FARS2: variants seen among roughly 807,000 people sequenced by gnomAD.
FARS2 encodes phenylalanine--tRNA ligase, mitochondrial.
FARS2 carries 40 observed loss-of-function variants against 46.4 expected under a neutral mutation model. The ratio of observed to expected loss-of-function variants is 0.86; its 90% CI spans 0.67 to 1.12. The LOEUF (loss-of-function observed/expected upper bound fraction) is 1.12. FARS2 is among the 50% of genes most tolerant of loss of function. The pLI is 0.00. For synonymous variants in FARS2, 234 were observed against 214.9 expected, an observed-to-expected ratio of 1.09 and a Z score of -0.78; for missense variants, 513 against 567.9, an observed-to-expected ratio of 0.90 and a Z score of 0.98.
At position 5,538,932 on chromosome 6, in the gene FARS2, T is replaced by C. The variant is rs190450949; in HGVS notation, c.905-6248T>C. ...GCAGTGGTAGGCAGCTGAAGTCCAGTTGCTCTCTGTTCCCCATGAGGGTCT... is the reference window on the plus strand; with the variant it reads ...GCAGTGGTAGGCAGCTGAAGTCCAGCTGCTCTCTGTTCCCCATGAGGGTCT... On this transcript the variant is annotated intron_variant, in intron 4 of 6. Transcript: ENST00000274680. Among the ~76,000 whole-genome samples the C allele has an allele frequency of 1.0e-3, 158 of 152,296 alleles. 1 individual carries two copies. The highest frequency in any genetic ancestry group is 3.6e-3 in the African/African-American group (148 of 41,556).
At chr6:5,410,476 C>G (rs151232986) in intron 3 of FARS2, among the ~76,000 whole-genome samples, 172 of 152,200 alleles carry the variant, frequency 1.1e-3, no homozygotes, top group South Asian at 2.9e-3. Flanking sequence ...TGTTCTATTT[C>G]AGGCATTTCA....
At chr6:5,725,177 T>G (rs1760168874) in intron 6 of FARS2, among the ~76,000 whole-genome samples, 1 of 152,190 alleles carries the variant, frequency 6.6e-6, no homozygotes. Flanking sequence ...CTTTCTTTAG[T>G]TGAAAGAGAG....
At position 5,271,943 on chromosome 6, in the gene FARS2, C is replaced by A. The variant is rs1765986425; in HGVS notation, c.-22+10283C>A. Among the ~76,000 whole-genome samples, 3 of 152,122 alleles carry A rather than the reference C, an allele frequency of 2.0e-5. No individual in the cohort carries two copies. In the South Asian group the frequency reaches 6.2e-4, roughly 31 times the overall value. ...ACGTAAGCTCCAAATACAGTAAGGA[C>A]CCCCTGCCGCCACCACCCTTACCCA... On this transcript the variant is annotated intron_variant, in intron 1 of 6. Coordinates refer to ENST00000274680, the MANE Select transcript of FARS2 (RefSeq NM_006567.5).
chr6:5,285,398 G>A (rs926064877), intron 1 of FARS2, among the ~76,000 whole-genome samples: 22 of 152,266 alleles, frequency 1.4e-4, no homozygotes, highest in Admixed American at 1.3e-3. Context: ...AGTGGGGTTT[G>A]GTTCTTGAGG....
chr6:5,270,119 CA>C (rs1440988570), intron 1 of FARS2, among the ~76,000 whole-genome samples: 16 of 152,054 alleles, frequency 1.1e-4, no homozygotes, highest in African/African-American at 3.6e-4. Flanking sequence ...TTTTTTAAAT[CA>C]ATTCCTGGAA....
intron 4 of FARS2, among the ~76,000 whole-genome samples, chr6:5,454,105 G>A (rs1764674313): frequency 6.6e-6 from 1 of 150,970 alleles, no homozygotes; most frequent in South Asian, 2.1e-4. Context: ...ACAATCTTTA[G>A]AAACATCATG....
chr6:5,597,303 C>T (rs1774255683), intron 5 of FARS2, among the ~76,000 whole-genome samples: 1 of 152,152 alleles, frequency 6.6e-6, no homozygotes, highest in African/African-American at 2.4e-5. Flanking sequence ...AGTGACCTGA[C>T]CCCTTGAGGA....
intron 1 of FARS2, among the ~76,000 whole-genome samples, chr6:5,263,745 A>G (rs1178423461): frequency 6.6e-6 from 1 of 152,254 alleles, no homozygotes; most frequent in African/African-American, 2.4e-5. Context: ...ATGGAAGATC[A>G]TGTGTTACCT....
chr6:5,383,350 G>A (rs569305355), intron 2 of FARS2, among the ~76,000 whole-genome samples: 1 of 152,202 alleles, frequency 6.6e-6, no homozygotes, highest in Non-Finnish European at 1.5e-5. Flanking sequence ...ACTTTTGGCC[G>A]CTGGCCTTTG....
intron 6 of FARS2, among the ~76,000 whole-genome samples, chr6:5,681,029 C>T (rs183588509): frequency 6.6e-6 from 1 of 152,244 alleles, no homozygotes; most frequent in East Asian, 1.9e-4. Flanking sequence ...CATAGAAGGC[C>T]GTGTTGAGTG....
At position 5,623,582 on chromosome 6, in the gene FARS2, C is replaced by T. The variant is rs370528079; in HGVS notation, c.1217+10262C>T. On this transcript the variant is annotated intron_variant, in intron 6 of 6. Transcript: ENST00000274680. ...CAAAAATTAGCCAGACGTGGTGGCA[C>T]GCGCCTGTAATCCCAGCTACTCAGG... Among the ~76,000 whole-genome samples the T allele has an allele frequency of 4.6e-5, 7 of 152,032 alleles. No individual in the cohort carries two copies. In the South Asian group the frequency reaches 6.2e-4, roughly 14 times the overall value.
rs1290553730 is a variant in FARS2 at position 5,369,012 on chromosome 6, C to T, written c.442C>T (p.Arg148Trp). The T allele has an allele frequency of 1.4e-5, 22 of 1,613,980 alleles. No individual in the cohort carries two copies. Among genetic ancestry groups the T allele is most frequent in the South Asian group, 4.4e-5 (4 of 91,084 alleles). Reference protein sequence around the residue: ...RKKGDNYYLNRTHMLRAHTSA... With the variant: ...RKKGDNYYLNWTHMLRAHTSA... ...GAAGGGGGACAACTATTACCTGAAT[C>T]GGACTCACATGCTGAGAGCGCACAC... The change falls in exon 2 of 7, where the codon CGG (arginine) becomes TGG (tryptophan). Residue 148 changes from arginine to tryptophan, a missense_variant. Arg to Trp is a moderately radical substitution (Grantham distance 101, BLOSUM62 -3). Transcript: ENST00000274680.
chr6:5,619,499 C>G (rs1235724176), intron 6 of FARS2, among the ~76,000 whole-genome samples: 1 of 152,160 alleles, frequency 6.6e-6, no homozygotes, highest in Non-Finnish European at 1.5e-5. Flanking sequence ...AGCTGAGATG[C>G]TAGAGGTGAG....
intron 5 of FARS2, among the ~76,000 whole-genome samples, chr6:5,611,752 T>A (rs1189358962): frequency 6.6e-6 from 1 of 152,264 alleles, no homozygotes; most frequent in Non-Finnish European, 1.5e-5. Flanking sequence ...CTGCCTGCGT[T>A]ATTATCATAT....
intron 1 of FARS2, among the ~76,000 whole-genome samples, chr6:5,331,153 G>A (rs984791398): frequency 2.0e-4 from 29 of 146,042 alleles, no homozygotes; most frequent in Admixed American, 1.8e-3. Flanking sequence ...ATATTTTTTT[G>A]AGTCTATTTC....
At chr6:5,717,059 GTC>G (rs1374833294) in intron 6 of FARS2, among the ~76,000 whole-genome samples, 6 of 152,174 alleles carry the variant, frequency 3.9e-5, no homozygotes, top group African/African-American at 1.4e-4. Context: ...ATTCTTCTTC[GTC>G]TCTCTGTGCA....
At chr6:5,302,605 G>T (rs896699470) in intron 1 of FARS2, among the ~76,000 whole-genome samples, 5 of 152,174 alleles carry the variant, frequency 3.3e-5, no homozygotes, top group Non-Finnish European at 1.5e-5. Context: ...GGGAGATGAG[G>T]CACAGAGAAG....
At chr6:5,610,472 A>G (rs554193534) in intron 5 of FARS2, among the ~76,000 whole-genome samples, 8 of 152,294 alleles carry the variant, frequency 5.3e-5, no homozygotes, top group South Asian at 2.1e-4. Context: ...AACATAATAA[A>G]AATTTTAAAA....
intron 1 of FARS2, among the ~76,000 whole-genome samples, chr6:5,276,301 C>T (rs899843325): frequency 6.6e-5 from 10 of 152,030 alleles, no homozygotes; most frequent in African/African-American, 1.9e-4. Context: ...AAGATTTTGT[C>T]GATTTGGTCT....
Sources: allele counts gnomAD v4.1 joint callset (sites outside exome capture counted in the v4.1 genomes callset), GRCh38; gene constraint gnomAD v4.1.1; transcripts MANE v1.5; gene names NCBI Gene and HGNC (gene_info 2026-07-23, HGNC 2026-07-21).